PCDH15: variants seen among roughly 807,000 people sequenced by gnomAD.
PCDH15 encodes protocadherin related 15.
Under a neutral mutation model 178.5 loss-of-function variants are expected in PCDH15, and 129 were observed. The observed-to-expected ratio is 0.72, with a 90% CI of 0.63 to 0.84. The LOEUF (loss-of-function observed/expected upper bound fraction) is 0.84, where lower values mean the gene tolerates loss of function less well. PCDH15 is among the 40% of genes least tolerant of loss of function. The pLI is 0.00. For missense variants in PCDH15, 2,230 were observed against 2,099.9 expected (o/e 1.06, Z -1.21); for synonymous variants, 800 against 732.0 (o/e 1.09, Z -1.50).
intron 2 of PCDH15, among the ~76,000 whole-genome samples, chr10:55,484,873 C>G (rs1011147400): frequency 6.6e-6 from 1 of 151,606 alleles, no homozygotes; most frequent in African/African-American, 2.4e-5. Context: ...TTACCATATA[C>G]AAAAATCAAT....
intron 1 of PCDH15, among the ~76,000 whole-genome samples, chr10:54,696,286 A>G (rs1470258298): frequency 2.0e-5 from 3 of 152,104 alleles, no homozygotes; most frequent in Non-Finnish European, 4.4e-5. Context: ...AGAAATTGCA[A>G]GGGAACTAGA....
At chr10:53,836,876 G>C (rs561110428) in intron 29 of PCDH15, among the ~76,000 whole-genome samples, 2 of 152,282 alleles carry the variant, frequency 1.3e-5, no homozygotes, top group African/African-American at 4.8e-5. Flanking sequence ...CAAAATAGCA[G>C]AAAGCACAAA....
At chr10:55,280,514 C>G (rs1842705161) in intron 1 of PCDH15, among the ~76,000 whole-genome samples, 2 of 147,288 alleles carry the variant, frequency 1.4e-5, no homozygotes, top group Admixed American at 1.4e-4. Context: ...CTCTTGAACT[C>G]CTGACCTCAG....
chr10:55,061,485 C>T (rs1168735065), intron 2 of PCDH15, among the ~76,000 whole-genome samples: 1 of 152,170 alleles, frequency 6.6e-6, no homozygotes, highest in Non-Finnish European at 1.5e-5. Context: ...CTTTAGAAGA[C>T]AGTTTGACAG....
intron 1 of PCDH15, among the ~76,000 whole-genome samples, chr10:55,250,043 G>A (rs1342275509): frequency 6.6e-6 from 1 of 152,102 alleles, no homozygotes; most frequent in Admixed American, 6.6e-5. Context: ...GAAGTCTCTA[G>A]AGTCTAAAAC....
At chr10:55,248,769 C>G (rs942885110) in intron 1 of PCDH15, among the ~76,000 whole-genome samples, 1 of 152,070 alleles carries the variant, frequency 6.6e-6, no homozygotes, top group Non-Finnish European at 1.5e-5. Flanking sequence ...GTTGCCCAGG[C>G]TGGTCTCCAA....
chr10:53,849,226 T>A (rs1193496330), intron 28 of PCDH15, among the ~76,000 whole-genome samples: 3 of 152,134 alleles, frequency 2.0e-5, no homozygotes, highest in Non-Finnish European at 4.4e-5. Flanking sequence ...TTAATCTTTT[T>A]TTTTCTATGT....
At chr10:54,614,428 T>G (rs1287929914) in intron 2 of PCDH15, among the ~76,000 whole-genome samples, 1 of 152,032 alleles carries the variant, frequency 6.6e-6, no homozygotes, top group Admixed American at 6.6e-5. Flanking sequence ...GTTGAGGCAA[T>G]ATTGCTCATT....
intron 2 of PCDH15, among the ~76,000 whole-genome samples, chr10:55,371,160 C>T (rs1450922463): frequency 6.6e-6 from 1 of 151,856 alleles, no homozygotes; most frequent in East Asian, 1.9e-4. Context: ...GATAGAGATA[C>T]GGAGAGTATA....
At chr10:54,309,865 A>T (rs2060795343) in intron 8 of PCDH15, among the ~76,000 whole-genome samples, 1 of 152,082 alleles carries the variant, frequency 6.6e-6, no homozygotes. Flanking sequence ...TATAATGACA[A>T]AGAAGTTTAA....
intron 18 of PCDH15, among the ~76,000 whole-genome samples, chr10:54,055,215 C>T (rs188772858): frequency 6.6e-6 from 1 of 152,062 alleles, no homozygotes; most frequent in Admixed American, 6.6e-5. Context: ...AATATCTTAG[C>T]TAAGATTTAG....
intron 1 of PCDH15, among the ~76,000 whole-genome samples, chr10:54,676,046 C>G (rs2135565937): frequency 6.6e-6 from 1 of 152,098 alleles, no homozygotes; most frequent in East Asian, 1.9e-4. Flanking sequence ...AGTTCTATTT[C>G]CTTTAAGACA....
In PCDH15 at chr10:54,914,230, G is replaced by A. The variant is rs141722150; in HGVS notation, c.-79-16730C>T. On this transcript the variant is annotated intron_variant, in intron 2 of 5. Transcript: ENST00000458638. ...ATGGTGGGAAGTGATTGGATCGGGA[G>A]GGCAGATTTCTCTTTGTTGTTCTCA... is the stretch of plus-strand genomic sequence containing the variant. 8.7e-4 allele frequency among the ~76,000 whole-genome samples: 133 copies of A among 152,154 alleles called. 1 individual carries two copies. In the East Asian group the frequency reaches 0.022, roughly 25 times the overall value.
At chr10:55,154,071 T>C (rs1434144763) in intron 2 of PCDH15, among the ~76,000 whole-genome samples, 7 of 152,244 alleles carry the variant, frequency 4.6e-5, no homozygotes, top group Admixed American at 3.9e-4. Flanking sequence ...CCTATACAAT[T>C]TTCCTATTAT....
chr10:53,998,313 A>G (rs1053717451), intron 20 of PCDH15, among the ~76,000 whole-genome samples: 1 of 152,200 alleles, frequency 6.6e-6, no homozygotes, highest in Non-Finnish European at 1.5e-5. Context: ...ATGATTTACA[A>G]CTTGAAAAAC....
chr10:53,946,800 C>T (rs1025726969), intron 23 of PCDH15, among the ~76,000 whole-genome samples: 6 of 152,276 alleles, frequency 3.9e-5, no homozygotes, highest in Non-Finnish European at 5.9e-5. Context: ...TTTGTTTAGA[C>T]GGAGTCTCGC....
chr10:54,164,816 T>C (rs1590890623), intron 13 of PCDH15, among the ~76,000 whole-genome samples: 1 of 152,196 alleles, frequency 6.6e-6, no homozygotes, highest in Non-Finnish European at 1.5e-5. Flanking sequence ...TAAGATATTA[T>C]ATCTAAAGTT....
chr10:54,085,466 A>G (rs1359599506), intron 16 of PCDH15, among the ~76,000 whole-genome samples: 2 of 152,136 alleles, frequency 1.3e-5, no homozygotes, highest in Non-Finnish European at 2.9e-5. Context: ...AGGCCATCAT[A>G]TTTATAAGGG....
At chr10:54,398,677 C>T (rs1221423858) in intron 3 of PCDH15, among the ~76,000 whole-genome samples, 1 of 151,814 alleles carries the variant, frequency 6.6e-6, no homozygotes, top group East Asian at 1.9e-4. Flanking sequence ...ACAAAAAAAA[C>T]TGATATTAGA....
Sources: allele counts gnomAD v4.1 joint callset (sites outside exome capture counted in the v4.1 genomes callset), GRCh38; gene constraint gnomAD v4.1.1; transcripts MANE v1.5; gene names NCBI Gene and HGNC (gene_info 2026-07-23, HGNC 2026-07-21).